The following CDKAL1 variants were observed in gnomAD, a reference collection of about 807,000 sequenced individuals.
CDKAL1 encodes threonylcarbamoyladenosine tRNA methylthiotransferase.
A neutral mutation model predicts 68.2 loss-of-function variants in CDKAL1; 32 were observed. The ratio of observed to expected loss-of-function variants is 0.47; its 90% CI spans 0.35 to 0.63. The LOEUF is 0.63. CDKAL1 is among the 30% of genes least tolerant of loss of function. The probability of loss-of-function intolerance (pLI) is 0.00; values close to 1 mark genes in which losing one functional copy is unlikely to be tolerated. For synonymous variants in CDKAL1, 234 were observed against 244.3 expected (o/e 0.96, Z 0.39); for missense variants, 606 against 696.7 (o/e 0.87, Z 1.47).
chr6:20,747,001 C>A (rs904904193), intron 6 of CDKAL1, among the ~76,000 whole-genome samples: 12 of 152,086 alleles, frequency 7.9e-5, no homozygotes, highest in Admixed American at 3.3e-4. Context: ...TTTTCTCCCC[C>A]TCCCCACCCC....
At chr6:20,710,908 T>A (rs73732744) in intron 5 of CDKAL1, among the ~76,000 whole-genome samples, 4,850 of 152,296 alleles carry the variant, frequency 0.032, 254 homozygotes, top group African/African-American at 0.11. Flanking sequence ...GTTCTGGTCC[T>A]ACCTATTGAC....
chr6:20,687,024 A>G (rs1770658403), intron 5 of CDKAL1, among the ~76,000 whole-genome samples: 2 of 152,344 alleles, frequency 1.3e-5, no homozygotes, highest in South Asian at 2.1e-4. Flanking sequence ...TGAACCAGCC[A>G]TGCAATCAGA....
chr6:21,022,236 T>C (rs1257943086), intron 11 of CDKAL1, among the ~76,000 whole-genome samples: 1 of 152,214 alleles, frequency 6.6e-6, no homozygotes, highest in Admixed American at 6.5e-5. Context: ...AATCTTCAGA[T>C]AGTGTTAAAC....
intron 5 of CDKAL1, among the ~76,000 whole-genome samples, chr6:20,698,196 A>G (rs1274848949): frequency 1.3e-5 from 2 of 152,178 alleles, no homozygotes; most frequent in African/African-American, 4.8e-5. Flanking sequence ...TTTTGGTTGA[A>G]TGAACATTCA....
At chr6:20,700,177 T>C (rs1771278949) in intron 5 of CDKAL1, among the ~76,000 whole-genome samples, 1 of 152,018 alleles carries the variant, frequency 6.6e-6, no homozygotes, top group South Asian at 2.1e-4. Context: ...TGCTTCTGTT[T>C]TATTCTGTTT....
At chr6:20,951,139 C>T (rs1764508408) in intron 9 of CDKAL1, among the ~76,000 whole-genome samples, 1 of 152,134 alleles carries the variant, frequency 6.6e-6, no homozygotes, top group South Asian at 2.1e-4. Flanking sequence ...TCATTATTTA[C>T]AGTTTTTGTA....
At chr6:20,862,508 T>C (rs1398788615) in intron 9 of CDKAL1, among the ~76,000 whole-genome samples, 1 of 152,136 alleles carries the variant, frequency 6.6e-6, no homozygotes, top group Admixed American at 6.5e-5. Flanking sequence ...GCTTAATAAA[T>C]GAATTCTTAT....
intron 11 of CDKAL1, among the ~76,000 whole-genome samples, chr6:21,060,800 G>C (rs949820507): frequency 2.0e-5 from 3 of 151,928 alleles, no homozygotes; most frequent in African/African-American, 7.2e-5. Context: ...ACCTCCACAG[G>C]ATAAGAATTA....
Position 21,200,763 on chromosome 6 carries a change from T to C in CDKAL1, c.1384-347T>C, listed in dbSNP as rs574116188. On this transcript the variant is annotated intron_variant, in intron 14 of 15. Transcript: ENST00000274695. ...CACTGCCCAGGGGCCCAGGAGCCCC[T>C]CCCAGGAGTGCCTTTCCTTCCTGCA... 4.7e-5 allele frequency: 8 copies of C among 169,292 alleles called. No homozygotes were observed. The East Asian group carries it at 1.3e-3, about 28-fold the overall frequency. The allele number at this position is 169,292 out of a possible 1,614,324, so 10.5% of individuals were successfully genotyped here.
chr6:20,828,383 C>G (rs1297754523), intron 8 of CDKAL1, among the ~76,000 whole-genome samples: 1 of 151,912 alleles, frequency 6.6e-6, no homozygotes, highest in Admixed American at 6.6e-5. Context: ...CATGCACCAC[C>G]GTGACTGGCT....
At chr6:20,953,982 G>C (rs1764660325) in intron 9 of CDKAL1, among the ~76,000 whole-genome samples, 1 of 152,008 alleles carries the variant, frequency 6.6e-6, no homozygotes, top group Non-Finnish European at 1.5e-5. Context: ...CTAAGTTATT[G>C]ATTCTTTAAT....
At chr6:20,880,391 G>A (rs1581753201) in intron 9 of CDKAL1, among the ~76,000 whole-genome samples, 1 of 152,062 alleles carries the variant, frequency 6.6e-6, no homozygotes, top group African/African-American at 2.4e-5. Flanking sequence ...GAGTAGCTGG[G>A]ACTACAGGCA....
intron 4 of CDKAL1, among the ~76,000 whole-genome samples, chr6:20,562,144 G>A (rs1191357322): frequency 2.6e-5 from 4 of 152,062 alleles, no homozygotes; most frequent in Admixed American, 2.0e-4. Context: ...CTGTGCCCTC[G>A]CAGAGAGATT....
chr6:20,617,056 GC>G lies in CDKAL1; in HGVS notation c.287-32235del, dbSNP rs1766949974. Among the ~76,000 whole-genome samples, 6 of 128,108 alleles carry G rather than the reference GC, an allele frequency of 4.7e-5. No individual in the cohort carries two copies. In the South Asian group the frequency reaches 1.3e-3, roughly 27 times the overall value. The allele number at this position is 128,108 out of a possible 152,430, so 84.0% of individuals were successfully genotyped here. On this transcript the variant is annotated intron_variant, in intron 4 of 15. Transcript: ENST00000274695. ...TCTGTCTCAGAAGAAAAAAAAAAAA[GC>G]CTTTTTGTTCTAAATTAAAGAGAAA...
intron 8 of CDKAL1, among the ~76,000 whole-genome samples, chr6:20,835,865 A>C (rs1355138536): frequency 6.6e-6 from 1 of 151,986 alleles, no homozygotes; most frequent in Non-Finnish European, 1.5e-5. Context: ...CCCCTTTTCA[A>C]CTTCAGTTTT....
In CDKAL1 at chr6:20,621,540, A is replaced by T. The variant is rs1581839632; in HGVS notation, c.287-27753A>T. ...CTTTTTTAGAGTGGTGTATCTACAT[A>T]ATTTATTTGGAATTCTTCTACACAG... On this transcript the variant is annotated intron_variant, in intron 4 of 15. Coordinates refer to ENST00000274695, the MANE Select transcript of CDKAL1 (RefSeq NM_017774.3). Among the ~76,000 whole-genome samples, 12 of 152,038 alleles carry T rather than the reference A, an allele frequency of 7.9e-5. 2 individuals carry two copies. Among genetic ancestry groups the T allele is most frequent in the Admixed American group, 7.9e-4 (12 of 15,272 alleles).
At chr6:20,802,312 C>CAATAATAATAAT (rs1349564349) in intron 8 of CDKAL1, among the ~76,000 whole-genome samples, 4,858 of 99,504 alleles carry the variant, frequency 0.049, 121 homozygotes, top group Admixed American at 0.1. Context: ...ACAACAACAA[C>CAATAATAATAAT]AACAATAATA....
chr6:20,640,355 A>G (rs775264390), intron 4 of CDKAL1, among the ~76,000 whole-genome samples: 1 of 152,192 alleles, frequency 6.6e-6, no homozygotes. Flanking sequence ...GTTGTGTAAG[A>G]TAAAGGTTTG....
intron 13 of CDKAL1, among the ~76,000 whole-genome samples, chr6:21,152,734 G>A (rs548199757): frequency 7.2e-5 from 11 of 152,262 alleles, no homozygotes; most frequent in Admixed American, 7.2e-4. Context: ...TTACTGTGAG[G>A]ACAAAGACTG....
Sources: gnomAD v4.1 joint callset for allele counts (sites outside exome capture counted in the v4.1 genomes callset) on GRCh38, gnomAD v4.1.1 for gene constraint, MANE v1.5 for transcripts, NCBI Gene and HGNC (gene_info 2026-07-23, HGNC 2026-07-21) for gene names.